ERC1: variants seen among roughly 807,000 people sequenced by gnomAD.
The protein encoded by ERC1 is ELKS/RAB6-interacting/CAST family member 1, also known as RAB6 interacting protein 2.
ERC1 carries 56 observed loss-of-function variants against 132.0 expected under a neutral mutation model. That is an observed-to-expected ratio of 0.42 (90% CI 0.34 to 0.53). The LOEUF (loss-of-function observed/expected upper bound fraction) is 0.53. Among genes scored for constraint, ERC1 ranks in the 20% least tolerant of loss-of-function variants. The probability of loss-of-function intolerance (pLI) is 0.03; values close to 1 mark genes in which losing one functional copy is unlikely to be tolerated. For synonymous variants in ERC1, 478 were observed against 476.1 expected, an observed-to-expected ratio of 1.00 and a Z score of -0.05; for missense variants, 1,202 against 1,349.9, an observed-to-expected ratio of 0.89 and a Z score of 1.72.
intron 16 of ERC1, among the ~76,000 whole-genome samples, chr12:1,387,191 C>T (rs912298879): frequency 1.3e-5 from 2 of 151,554 alleles, no homozygotes; most frequent in East Asian, 1.9e-4. Context: ...TCCCTCATAC[C>T]CAACTCAGAT....
rs369873472 is a variant in ERC1, at chr12:1,484,665, C to T, written c.3214-5428C>T. On this transcript the variant is annotated intron_variant, in intron 18 of 18. Coordinates refer to ENST00000360905, the MANE Select transcript of ERC1 (RefSeq NM_178040.4). ...TGATCTCGGCTCACTGTAAGCTCCG[C>T]CTCCCGGGCTCAAGCAATTCTCCTG... Among the ~76,000 whole-genome samples, 10 of 151,720 alleles carry T rather than the reference C, an allele frequency of 6.6e-5. No individual in the cohort carries two copies. In the East Asian group the frequency reaches 9.7e-4, roughly 15 times the overall value.
At chr12:1,395,624 G>A (rs1226039393) in intron 16 of ERC1, among the ~76,000 whole-genome samples, 1 of 151,538 alleles carries the variant, frequency 6.6e-6, no homozygotes, top group Non-Finnish European at 1.5e-5. Context: ...TTCAGCTCAG[G>A]GAAAACTATA....
intron 1 of ERC1, among the ~76,000 whole-genome samples, chr12:1,016,767 C>T (rs1277399026): frequency 6.6e-6 from 1 of 151,066 alleles, no homozygotes; most frequent in Non-Finnish European, 1.5e-5. Flanking sequence ...TCTCCTGCCT[C>T]AGCCTCCCAA....
chr12:1,196,463 G>C (rs1377341090), intron 12 of ERC1, among the ~76,000 whole-genome samples: 1 of 150,574 alleles, frequency 6.6e-6, no homozygotes, highest in Non-Finnish European at 1.5e-5. Context: ...TTTTTGGGTT[G>C]GGGGGGTATG....
chr12:1,341,991 AT>A (rs2083944031), intron 15 of ERC1, among the ~76,000 whole-genome samples: 1 of 152,112 alleles, frequency 6.6e-6, no homozygotes, highest in South Asian at 2.1e-4. Flanking sequence ...TCTTCTGGGA[AT>A]TCATAGATGA....
intron 1 of ERC1, among the ~76,000 whole-genome samples, chr12:1,013,570 C>T (rs931496281): frequency 2.0e-5 from 3 of 152,006 alleles, no homozygotes; most frequent in Non-Finnish European, 2.9e-5. Context: ...GCCACACTGT[C>T]GTGTAGTTTT....
chr12:1,232,423 C>T (rs2075113533), intron 12 of ERC1, among the ~76,000 whole-genome samples: 1 of 152,170 alleles, frequency 6.6e-6, no homozygotes, highest in African/African-American at 2.4e-5. Flanking sequence ...CCTGTTGGGA[C>T]CTTGGTAATG....
intron 17 of ERC1, among the ~76,000 whole-genome samples, chr12:1,424,599 G>C (rs1018741017): frequency 1.3e-5 from 2 of 152,120 alleles, no homozygotes; most frequent in Non-Finnish European, 2.9e-5. Context: ...TCTTAACCAG[G>C]AAGACAGGAG....
chr12:1,389,460 C>G (rs560107082), intron 16 of ERC1, among the ~76,000 whole-genome samples: 1 of 152,314 alleles, frequency 6.6e-6, no homozygotes, highest in African/African-American at 2.4e-5. Flanking sequence ...TTCATCCTTA[C>G]AGATTATAGT....
chr12:1,121,145 A>G (rs1947039342), intron 7 of ERC1, among the ~76,000 whole-genome samples: 1 of 152,178 alleles, frequency 6.6e-6, no homozygotes, highest in South Asian at 2.1e-4. Context: ...AATTGTTGTA[A>G]CATTTTACAG....
chr12:1,091,736 C>G (rs1433585150), intron 3 of ERC1, among the ~76,000 whole-genome samples: 3 of 152,070 alleles, frequency 2.0e-5, no homozygotes, highest in Non-Finnish European at 2.9e-5. Flanking sequence ...ATCTGATTTG[C>G]TTTTAAAATT....
Position 1,440,642 on chromosome 12 carries a change from G to T in ERC1, c.3025-3920G>T, listed in dbSNP as rs1342146196. On this transcript the variant is annotated intron_variant, in intron 17 of 18. Transcript: ENST00000360905. ...TGTGTGTGTGTGTGTGTGTGTGTGTGTGTGTGTGTGTGTGTGTGTGTGTGT... is the reference window on the plus strand; with the variant it reads ...TGTGTGTGTGTGTGTGTGTGTGTGTTTGTGTGTGTGTGTGTGTGTGTGTGT... Among the ~76,000 whole-genome samples, 147 of 135,942 alleles carry T rather than the reference G, an allele frequency of 1.1e-3. 1 individual carries two copies. The highest frequency in any genetic ancestry group is 4.3e-3 in the African/African-American group (140 of 32,198). 89.2% of individuals were successfully genotyped at this position (135,942 alleles called of 152,430 possible).
chr12:1,054,831 A>C (rs1296995492), intron 2 of ERC1, among the ~76,000 whole-genome samples: 1 of 152,168 alleles, frequency 6.6e-6, no homozygotes, highest in Non-Finnish European at 1.5e-5. Context: ...AGAAAGAGAA[A>C]TATGCATTTG....
intron 2 of ERC1, among the ~76,000 whole-genome samples, chr12:1,035,689 G>T (rs1968919063): frequency 6.6e-6 from 1 of 152,170 alleles, no homozygotes; most frequent in Non-Finnish European, 1.5e-5. Flanking sequence ...TTGGGAGGCT[G>T]AGGTGGGCGG....
chr12:1,040,432 G>A (rs1240738882), intron 2 of ERC1, among the ~76,000 whole-genome samples: 3 of 148,024 alleles, frequency 2.0e-5, no homozygotes, highest in South Asian at 4.3e-4. Flanking sequence ...TCAGCCTCCC[G>A]AGTAGCTGAG....
At chr12:1,092,292 C>A (rs552866643) in intron 3 of ERC1, among the ~76,000 whole-genome samples, 86 of 152,324 alleles carry the variant, frequency 5.6e-4, no homozygotes, top group African/African-American at 1.7e-3. Flanking sequence ...CCACCGCGCC[C>A]GGCCCACATT....
chr12:1,322,077 G>C (rs1450858667), intron 15 of ERC1, among the ~76,000 whole-genome samples: 2 of 146,606 alleles, frequency 1.4e-5, no homozygotes, highest in Non-Finnish European at 3.0e-5. Context: ...GTAGTCATCT[G>C]CTTTTAAGTT....
At chr12:1,476,683 G>C (rs1374606356) in intron 18 of ERC1, among the ~76,000 whole-genome samples, 8 of 152,120 alleles carry the variant, frequency 5.3e-5, no homozygotes, top group Admixed American at 5.2e-4. Context: ...TTGCTTATGG[G>C]CTGAATATCA....
chr12:1,366,931 T>C (rs1252903961), intron 15 of ERC1, among the ~76,000 whole-genome samples: 1 of 152,164 alleles, frequency 6.6e-6, no homozygotes, highest in East Asian at 1.9e-4. Context: ...ACATAAGATA[T>C]ACAGGGACCA....
Sources: allele counts gnomAD v4.1 joint callset (sites outside exome capture counted in the v4.1 genomes callset), GRCh38; gene constraint gnomAD v4.1.1; transcripts MANE v1.5; gene names NCBI Gene and HGNC (gene_info 2026-07-23, HGNC 2026-07-21).